The following LMBRD2 variants were observed in gnomAD, a reference collection of about 807,000 sequenced individuals.
LMBRD2 encodes the protein G protein-coupled receptor-associated protein LMBRD2.
LMBRD2 carries 55 observed loss-of-function variants against 94.4 expected under a neutral mutation model. That is an observed-to-expected ratio of 0.58 (90% CI 0.47 to 0.73). The LOEUF is 0.73. Among genes scored for constraint, LMBRD2 ranks in the 30% least tolerant of loss-of-function variants. LMBRD2 has a pLI of 0.00. For missense variants in LMBRD2, 640 were observed against 831.9 expected, an observed-to-expected ratio of 0.77 and a Z score of 2.84; for synonymous variants, 246 against 272.4, an observed-to-expected ratio of 0.90 and a Z score of 0.95.
intron 6 of LMBRD2, among the ~76,000 whole-genome samples, chr5:36,133,298 C>T (rs1744195726): frequency 1.3e-5 from 2 of 151,056 alleles, no homozygotes; most frequent in Admixed American, 1.3e-4. Flanking sequence ...ATAAGCCAGG[C>T]ACAGAAAGAC....
intron 14 of LMBRD2, 149 bp downstream of exon 14, chr5:36,111,006 T>C (rs1743591330): frequency 1.7e-6 from 1 of 574,182 alleles, no homozygotes; most frequent in Non-Finnish European, 3.1e-6. Context: ...AGAAAGGCCA[T>C]TGTACATTTT....
intron 1 of LMBRD2, among the ~76,000 whole-genome samples, chr5:36,150,097 T>C (rs1744653076): frequency 6.6e-6 from 1 of 152,158 alleles, no homozygotes; most frequent in Admixed American, 6.5e-5. Flanking sequence ...GCAATAGTCA[T>C]GATTAGAAGG....
chr5:36,133,643 T>TA (rs1744204855), intron 6 of LMBRD2, among the ~76,000 whole-genome samples: 1 of 152,142 alleles, frequency 6.6e-6, no homozygotes, highest in Admixed American at 6.6e-5. Flanking sequence ...TTCAGAGTTC[T>TA]CCTGCTATCT....
chr5:36,105,039 A>G (rs1374490783), intron 17 of LMBRD2, 29 bp downstream of exon 17: 1 of 1,606,684 alleles, frequency 6.2e-7, no homozygotes, highest in East Asian at 2.2e-5. Context: ...GAGGAATGCT[A>G]GAGCTAAAAT....
At chr5:36,115,719 C>T (rs968366870) in intron 11 of LMBRD2, among the ~76,000 whole-genome samples, 3 of 151,878 alleles carry the variant, frequency 2.0e-5, no homozygotes, top group African/African-American at 7.3e-5. Flanking sequence ...GGAATCTACA[C>T]ACACACACAC....
chr5:36,099,605 A>AT lies in LMBRD2; in HGVS notation c.*4440dup, dbSNP rs575484370. 77 of 152,286 alleles carry AT rather than the reference A, an allele frequency of 5.1e-4. No individual in the cohort carries two copies. The highest frequency in any genetic ancestry group is 1.7e-3 in the Admixed American group (26 of 15,272). 9.4% of individuals were successfully genotyped at this position (152,286 alleles called of 1,614,324 possible). A position where few individuals can be genotyped will look rare whatever the true frequency, so the allele number is the denominator to read the frequency against. On this transcript the variant is annotated 3_prime_UTR_variant, in exon 18 of 18. Transcript: ENST00000296603. ...GGTGTTGTACAGTCAGTTTAAATAA[A>AT]TTATGATTTTACCCTACATATGTCT...
At chr5:36,118,230 A>C (rs1436549966) in intron 9 of LMBRD2, among the ~76,000 whole-genome samples, 1 of 152,178 alleles carries the variant, frequency 6.6e-6, no homozygotes, top group Non-Finnish European at 1.5e-5. Flanking sequence ...TCAACAAAAA[A>C]CTGGCCTATA....
intron 11 of LMBRD2, among the ~76,000 whole-genome samples, chr5:36,115,560 A>G (rs1471269406): frequency 1.3e-5 from 2 of 152,224 alleles, no homozygotes; most frequent in African/African-American, 4.8e-5. Context: ...AATTCTGTCC[A>G]AATAAAAAGA....
At chr5:36,133,774 G>C (rs1046546153) in intron 6 of LMBRD2, among the ~76,000 whole-genome samples, 1 of 151,996 alleles carries the variant, frequency 6.6e-6, no homozygotes, top group African/African-American at 2.4e-5. Context: ...GTCCAATGCT[G>C]GTCCTTAATT....
intron 16 of LMBRD2, among the ~76,000 whole-genome samples, chr5:36,105,814 A>G (rs1469603666): frequency 2.0e-5 from 3 of 152,194 alleles, no homozygotes; most frequent in Non-Finnish European, 4.4e-5. Flanking sequence ...GCTAATGATT[A>G]TCATACCAGA....
intron 16 of LMBRD2, among the ~76,000 whole-genome samples, chr5:36,106,509 G>GT (rs70973085): frequency 0.026 from 3,137 of 119,322 alleles, 149 homozygotes; most frequent in African/African-American, 0.093. Context: ...TTTTTCTTTC[G>GT]TTTTTTTTTT....
Position 36,111,195 on chromosome 5 carries a change from T to C in LMBRD2, c.1704A>G (p.Thr568=). 6.2e-7 allele frequency: 1 copy of C among 1,611,636 alleles called. No individual in the cohort carries two copies. The highest frequency in any genetic ancestry group is 8.5e-7 in the Non-Finnish European group (1 of 1,178,448). The change falls in exon 14 of 18, where the codon ACA becomes ACG. Residue 568 remains threonine, a synonymous_variant. Coordinates refer to ENST00000296603, the MANE Select transcript of LMBRD2 (RefSeq NM_001007527.2). ...CTTTTCCTTCATTAACTAAGTCTGATGTCATATCATCATCTCCCATAAACT... is the reference window on the plus strand; with the variant it reads ...CTTTTCCTTCATTAACTAAGTCTGACGTCATATCATCATCTCCCATAAACT... ...FQQFMGDDDM[T]SDLVNEGKEL...
Position 36,145,261 on chromosome 5 carries a change from G to A in LMBRD2, c.-57-1855C>T, listed in dbSNP as rs78273566. On this transcript the variant is annotated intron_variant, in intron 1 of 17. Coordinates refer to ENST00000296603, the MANE Select transcript of LMBRD2 (RefSeq NM_001007527.2). Reference sequence around the variant, plus strand: ...CGACTTCAAAGGCAATGTAAAACTCGTGTAATGGTAAACTGATTTAACAAA... The same window carrying A: ...CGACTTCAAAGGCAATGTAAAACTCATGTAATGGTAAACTGATTTAACAAA... Among the ~76,000 whole-genome samples the A allele has an allele frequency of 0.017, 2,566 of 152,290 alleles. 128 individuals carry two copies. The South Asian group carries it at 0.18, about 11-fold the overall frequency.
intron 7 of LMBRD2, among the ~76,000 whole-genome samples, chr5:36,123,722 A>C (rs1357976584): frequency 2.7e-5 from 4 of 149,686 alleles, no homozygotes; most frequent in Non-Finnish European, 5.9e-5. Flanking sequence ...TAAATATATA[A>C]ATATAAATAT....
chr5:36,124,328 G>C (rs936812497), intron 6 of LMBRD2, 63 bp from the exon 7 acceptor site: 1 of 902,310 alleles, frequency 1.1e-6, no homozygotes, highest in Non-Finnish European at 1.8e-6. Context: ...TTCCAAATGA[G>C]AATGCATTAG....
chr5:36,149,983 A>G (rs562478078), intron 1 of LMBRD2, among the ~76,000 whole-genome samples: 1 of 152,370 alleles, frequency 6.6e-6, no homozygotes, highest in East Asian at 1.9e-4. Flanking sequence ...TTATGACCAG[A>G]TAGCAACCTC....
intron 1 of LMBRD2, among the ~76,000 whole-genome samples, chr5:36,144,275 T>C (rs762508348): frequency 2.6e-5 from 4 of 152,204 alleles, no homozygotes; most frequent in Non-Finnish European, 5.9e-5. Flanking sequence ...TCAAAGGCAA[T>C]ATGAACTTTT....
intron 4 of LMBRD2, 126 bp from the exon 5 acceptor site, chr5:36,137,567 A>G (rs1330274122): frequency 5.5e-6 from 3 of 542,288 alleles, no homozygotes; most frequent in Non-Finnish European, 9.3e-6. Context: ...AATGTTTATA[A>G]GTAATCATGA....
At chr5:36,126,408 G>A (rs1744008811) in intron 6 of LMBRD2, among the ~76,000 whole-genome samples, 1 of 152,082 alleles carries the variant, frequency 6.6e-6, no homozygotes, top group Admixed American at 6.5e-5. Flanking sequence ...ATAAAGCATG[G>A]AAAGTATTTG....
Sources: gnomAD v4.1 joint callset for allele counts (sites outside exome capture counted in the v4.1 genomes callset) on GRCh38, gnomAD v4.1.1 for gene constraint, MANE v1.5 for transcripts, NCBI Gene and HGNC (gene_info 2026-07-23, HGNC 2026-07-21) for gene names.